The following MTA3 variants were observed in gnomAD, a reference collection of about 807,000 sequenced individuals.
The protein encoded by MTA3 is metastasis associated 1 family member 3, also known as metastasis-associated protein MTA3.
Under a neutral mutation model 83.5 loss-of-function variants are expected in MTA3, and 34 were observed. The ratio of observed to expected loss-of-function variants is 0.41; its 90% CI spans 0.31 to 0.54. The LOEUF is 0.54. MTA3 is among the 20% of genes least tolerant of loss of function. MTA3 has a pLI of 0.33. For missense variants in MTA3, 761 were observed against 726.4 expected, an observed-to-expected ratio of 1.05 and a Z score of -0.55; for synonymous variants, 303 against 252.7, an observed-to-expected ratio of 1.20 and a Z score of -1.89.
intron 9 of MTA3, among the ~76,000 whole-genome samples, chr2:42,689,544 C>A (rs534104208): frequency 6.4e-4 from 97 of 152,198 alleles, no homozygotes; most frequent in Non-Finnish European, 1.1e-3. Context: ...ACTGTGAAGT[C>A]ATTTTGTTTA....
At chr2:42,509,015 TTTAC>T (rs1286963659) in intron 2 of MTA3, among the ~76,000 whole-genome samples, 2 of 151,796 alleles carry the variant, frequency 1.3e-5, no homozygotes, top group African/African-American at 4.8e-5. Context: ...TAAAAATCAC[TTTAC>T]TTATTCACCT....
intron 2 of MTA3, among the ~76,000 whole-genome samples, chr2:42,520,365 CTT>C (rs895560107): frequency 6.6e-6 from 1 of 152,164 alleles, no homozygotes; most frequent in Non-Finnish European, 1.5e-5. Context: ...CAATGACCCT[CTT>C]TATTTCCTGT....
intron 2 of MTA3, among the ~76,000 whole-genome samples, chr2:42,524,640 TG>T (rs920070047): frequency 4.6e-5 from 7 of 151,738 alleles, no homozygotes; most frequent in African/African-American, 1.2e-4. Context: ...AACCATTATT[TG>T]GGGGAAGTGC....
At chr2:42,587,960 C>G (rs1573087522) in intron 3 of MTA3, among the ~76,000 whole-genome samples, 1 of 152,126 alleles carries the variant, frequency 6.6e-6, no homozygotes, top group Non-Finnish European at 1.5e-5. Context: ...AACAGAAATG[C>G]CTATGTAAAT....
At chr2:42,724,347 G>A (rs1573767217) in intron 16 of MTA3, among the ~76,000 whole-genome samples, 1 of 106,080 alleles carries the variant, frequency 9.4e-6, no homozygotes, top group African/African-American at 3.3e-5. Flanking sequence ...TATTCTTTTC[G>A]GTAAAAAGAC....
At chr2:42,608,210 T>TA (rs1246120091) in intron 3 of MTA3, among the ~76,000 whole-genome samples, 4 of 152,226 alleles carry the variant, frequency 2.6e-5, no homozygotes, top group Admixed American at 6.5e-5. Context: ...AGCTGTGTCT[T>TA]ATACAACAAC....
intron 16 of MTA3, among the ~76,000 whole-genome samples, chr2:42,737,106 G>A (rs1558632351): frequency 6.6e-6 from 1 of 152,222 alleles, no homozygotes; most frequent in East Asian, 1.9e-4. Flanking sequence ...GAAGTGTGGT[G>A]TAAGCATTCC....
At position 42,593,848 on chromosome 2, in the gene MTA3, G is replaced by A. The variant is rs1035431197; in HGVS notation, c.190+14648G>A. ...AAATGGTTATATGCATTGTGATTTT[G>A]ACAGATATTACCAAATTAATTGCTT... is the stretch of plus-strand genomic sequence containing the variant. On this transcript the variant is annotated intron_variant, in intron 3 of 16. Coordinates refer to ENST00000405094, the MANE Select transcript of MTA3 (RefSeq NM_001330442.2). Among the ~76,000 whole-genome samples the A allele has an allele frequency of 5.9e-5, 9 of 152,034 alleles. No individual in the cohort carries two copies. In the South Asian group the frequency reaches 1.7e-3, roughly 28 times the overall value.
intron 4 of MTA3, among the ~76,000 whole-genome samples, chr2:42,639,674 A>T (rs549940063): frequency 1.3e-5 from 2 of 152,202 alleles, no homozygotes; most frequent in Non-Finnish European, 2.9e-5. Flanking sequence ...ATATAGATGA[A>T]TTAGTTATAT....
intron 3 of MTA3, among the ~76,000 whole-genome samples, chr2:42,604,399 A>C (rs1419380529): frequency 6.6e-6 from 1 of 152,340 alleles, no homozygotes; most frequent in East Asian, 1.9e-4. Context: ...TCTTGAAAGA[A>C]GAATTTTGAA....
At chr2:42,735,981 G>T (rs1483188998) in intron 16 of MTA3, among the ~76,000 whole-genome samples, 1 of 152,176 alleles carries the variant, frequency 6.6e-6, no homozygotes. Context: ...TTTCATGGAT[G>T]GTCTTGAAGT....
At chr2:42,716,293 G>T (rs1265029128) in intron 14 of MTA3, among the ~76,000 whole-genome samples, 1 of 152,188 alleles carries the variant, frequency 6.6e-6, no homozygotes, top group Non-Finnish European at 1.5e-5. Flanking sequence ...GCTCTCTGCA[G>T]TATGTGCTTT....
intron 3 of MTA3, among the ~76,000 whole-genome samples, chr2:42,600,241 G>A (rs1682397292): frequency 6.6e-6 from 1 of 152,004 alleles, no homozygotes; most frequent in Non-Finnish European, 1.5e-5. Flanking sequence ...GTGGTTGTCT[G>A]TCTTTTCATA....
intron 4 of MTA3, among the ~76,000 whole-genome samples, chr2:42,637,413 C>T (rs762307141): frequency 2.0e-5 from 3 of 152,220 alleles, no homozygotes; most frequent in South Asian, 2.1e-4. Context: ...TATCTGTATA[C>T]GGAATTTGAT....
intron 8 of MTA3, among the ~76,000 whole-genome samples, 162 bp from the exon 9 acceptor site, chr2:42,682,239 G>C (rs988727901): frequency 6.6e-6 from 1 of 151,998 alleles, no homozygotes; most frequent in Non-Finnish European, 1.5e-5. Context: ...AGCAATAAAT[G>C]ATATCTTAAA....
chr2:42,647,155 T>TA (rs1553373420), intron 6 of MTA3, among the ~76,000 whole-genome samples: 42 of 92,050 alleles, frequency 4.6e-4, no homozygotes, highest in South Asian at 2.3e-3. Context: ...AGACTCTGTC[T>TA]AAAAAAAAAA....
At chr2:42,725,515 A>G (rs1482003877) in intron 16 of MTA3, among the ~76,000 whole-genome samples, 3 of 152,352 alleles carry the variant, frequency 2.0e-5, no homozygotes, top group Middle Eastern at 3.4e-3. Flanking sequence ...AGAATAAATC[A>G]ACAGAGAACA....
chr2:42,517,573 CAAAA>C (rs70963320), intron 2 of MTA3, among the ~76,000 whole-genome samples: 1 of 98,476 alleles, frequency 1.0e-5, no homozygotes. Context: ...AATTCCATCT[CAAAA>C]AAAAAAAAAA....
At position 42,568,674 on chromosome 2, in the gene MTA3, CGGCTGA is replaced by C; in HGVS notation, c.-63_-58del. 8.8e-7 allele frequency: 1 copy of C among 1,142,186 alleles called. No homozygotes were observed. Among genetic ancestry groups the C allele is most frequent in the Non-Finnish European group, 1.1e-6 (1 of 922,746 alleles). The allele number at this position is 1,142,186 out of a possible 1,614,324, so 70.8% of individuals were successfully genotyped here. On this transcript the variant is annotated 5_prime_UTR_variant, in exon 1 of 17. Transcript: ENST00000405094. The stretch of plus-strand genomic sequence containing the variant: ...ACGGCGGCGGCGGCAGCGGCGGTCG[CGGCTGA>C]GGCTGAGGAGGAGGCGGCGGCGGCG...
Sources: gnomAD v4.1 joint callset for allele counts (sites outside exome capture counted in the v4.1 genomes callset) on GRCh38, gnomAD v4.1.1 for gene constraint, MANE v1.5 for transcripts, NCBI Gene and HGNC (gene_info 2026-07-23, HGNC 2026-07-21) for gene names.